Variants in ARHGAP10 observed in about 807,000 individuals in gnomAD.
ARHGAP10 encodes the protein Rho GTPase activating protein 10, also known as rho GTPase-activating protein 10.
Under a neutral mutation model 108.6 loss-of-function variants are expected in ARHGAP10, and 87 were observed. The ratio of observed to expected loss-of-function variants is 0.80; its 90% CI spans 0.67 to 0.96. The LOEUF (loss-of-function observed/expected upper bound fraction) is 0.96. Ranked by LOEUF, ARHGAP10 falls within the 40% of genes least tolerant of loss-of-function variation. The pLI, the probability that ARHGAP10 is intolerant of heterozygous loss-of-function variation, is 0.00. For missense variants in ARHGAP10, 939 were observed against 954.5 expected, an observed-to-expected ratio of 0.98 and a Z score of 0.21; for synonymous variants, 347 against 341.1, an observed-to-expected ratio of 1.02 and a Z score of -0.19.
chr4:147,782,022 C>T (rs549363488), intron 1 of ARHGAP10, among the ~76,000 whole-genome samples: 31 of 152,176 alleles, frequency 2.0e-4, no homozygotes, highest in Admixed American at 3.3e-4. Context: ...ATAGTTTTAC[C>T]GCTTAGTATG....
intron 1 of ARHGAP10, among the ~76,000 whole-genome samples, chr4:147,771,026 G>T (rs1386114030): frequency 6.6e-6 from 1 of 152,012 alleles, no homozygotes; most frequent in African/African-American, 2.4e-5. Flanking sequence ...TACTGGATTA[G>T]GGCCCACCCT....
intron 10 of ARHGAP10, among the ~76,000 whole-genome samples, chr4:147,893,610 G>A (rs1735877359): frequency 1.4e-5 from 2 of 146,944 alleles, no homozygotes; most frequent in African/African-American, 2.5e-5. Context: ...TCTATATATA[G>A]AACTATATAT....
At chr4:147,996,223 G>A (rs1369702967) in intron 18 of ARHGAP10, among the ~76,000 whole-genome samples, 5 of 152,152 alleles carry the variant, frequency 3.3e-5, no homozygotes, top group Non-Finnish European at 7.3e-5. Flanking sequence ...ATGGCCTATG[G>A]AAACCTCTAT....
rs542487952 is a variant in ARHGAP10 at position 148,009,400 on chromosome 4, G to A, written c.1717-13863G>A. Among the ~76,000 whole-genome samples the A allele has an allele frequency of 2.0e-5, 3 of 152,230 alleles. No homozygotes were observed. The South Asian group carries it at 6.2e-4, about 32-fold the overall frequency. ...GCCCACCTTGGCTTCCCAAAGTGCT[G>A]GGATTATAGCCATGAGGCGCCATGC... On this transcript the variant is annotated intron_variant, in intron 18 of 22. Transcript: ENST00000336498.
At chr4:147,856,569 A>C (rs897399602) in intron 4 of ARHGAP10, among the ~76,000 whole-genome samples, 4 of 152,236 alleles carry the variant, frequency 2.6e-5, no homozygotes, top group African/African-American at 9.6e-5. Flanking sequence ...AAATTATTAA[A>C]AATATTGTAT....
chr4:147,955,629 C>T (rs752327034), intron 16 of ARHGAP10, among the ~76,000 whole-genome samples: 6 of 152,008 alleles, frequency 3.9e-5, no homozygotes, highest in Non-Finnish European at 7.4e-5. Flanking sequence ...GGATTCTTGT[C>T]CCATGAGACA....
At chr4:148,007,740 C>A (rs1319503060) in intron 18 of ARHGAP10, among the ~76,000 whole-genome samples, 2 of 152,170 alleles carry the variant, frequency 1.3e-5, no homozygotes, top group Non-Finnish European at 2.9e-5. Flanking sequence ...AAGCTAAATT[C>A]CCAGTTTTAA....
chr4:147,759,278 C>G (rs189350948), intron 1 of ARHGAP10, among the ~76,000 whole-genome samples: 20 of 152,306 alleles, frequency 1.3e-4, no homozygotes, highest in African/African-American at 4.1e-4. Context: ...CTTAGAGAAA[C>G]AGAGGCTCAG....
intron 21 of ARHGAP10, among the ~76,000 whole-genome samples, chr4:148,064,001 G>C (rs562165924): frequency 2.0e-5 from 3 of 152,346 alleles, no homozygotes; most frequent in Non-Finnish European, 4.4e-5. Context: ...TTTCTCACCT[G>C]TGGAGTGTGG....
chr4:147,839,515 T>A (rs981400646), intron 3 of ARHGAP10, among the ~76,000 whole-genome samples: 5 of 152,242 alleles, frequency 3.3e-5, no homozygotes, highest in Non-Finnish European at 5.9e-5. Flanking sequence ...TATACTGACT[T>A]ACTCAGTTTT....
intron 10 of ARHGAP10, among the ~76,000 whole-genome samples, chr4:147,905,897 C>G (rs4835468): frequency 0.78 from 118,077 of 152,052 alleles, 48,314 homozygotes; most frequent in Non-Finnish European, 0.92. Flanking sequence ...TTTGTATTCT[C>G]TTTTCTTTCA....
intron 22 of ARHGAP10, among the ~76,000 whole-genome samples, chr4:148,071,565 G>A (rs1578850878): frequency 6.6e-6 from 1 of 152,122 alleles, no homozygotes; most frequent in Admixed American, 6.5e-5. Flanking sequence ...GCAGTGAGCC[G>A]AGATCGCGCC....
At chr4:147,825,384 T>C (rs543681922) in intron 3 of ARHGAP10, among the ~76,000 whole-genome samples, 1 of 151,964 alleles carries the variant, frequency 6.6e-6, no homozygotes, top group East Asian at 1.9e-4. Flanking sequence ...GAGGCGGAGG[T>C]TGCAGTGAGC....
intron 1 of ARHGAP10, among the ~76,000 whole-genome samples, chr4:147,809,822 T>C (rs1036378450): frequency 9.2e-5 from 14 of 152,172 alleles, no homozygotes; most frequent in African/African-American, 3.1e-4. Context: ...TAGTTCACAA[T>C]AGGGTCACGC....
intron 1 of ARHGAP10, among the ~76,000 whole-genome samples, chr4:147,788,552 A>G (rs1430721423): frequency 6.6e-6 from 1 of 152,158 alleles, no homozygotes; most frequent in East Asian, 1.9e-4. Context: ...GGTGAGACCA[A>G]GGGTAAGGAG....
chr4:147,977,379 T>A (rs562023706), intron 18 of ARHGAP10, among the ~76,000 whole-genome samples: 9 of 152,220 alleles, frequency 5.9e-5, no homozygotes, highest in African/African-American at 1.7e-4. Flanking sequence ...ATGGGCTTGG[T>A]TTTTTGCCTT....
At chr4:147,908,984 T>G (rs1255357228) in intron 11 of ARHGAP10, among the ~76,000 whole-genome samples, 2 of 152,168 alleles carry the variant, frequency 1.3e-5, no homozygotes, top group Non-Finnish European at 2.9e-5. Context: ...TGCCTGAAGT[T>G]AGTGTTGGAT....
chr4:148,019,219 G>T (rs1418137287), intron 18 of ARHGAP10, among the ~76,000 whole-genome samples: 2 of 152,182 alleles, frequency 1.3e-5, no homozygotes, highest in South Asian at 2.1e-4. Flanking sequence ...AAGACTCCAA[G>T]AAATTAGTGC....
intron 1 of ARHGAP10, chr4:147,745,323 C>T (rs1026706085): frequency 2.0e-5 from 3 of 152,208 alleles, no homozygotes; most frequent in African/African-American, 7.2e-5. Flanking sequence ...CCAAATACTT[C>T]AAAACATTCA....
Sources: allele counts gnomAD v4.1 joint callset (sites outside exome capture counted in the v4.1 genomes callset), GRCh38; gene constraint gnomAD v4.1.1; transcripts MANE v1.5; gene names NCBI Gene and HGNC (gene_info 2026-07-23, HGNC 2026-07-21).